CHRM3: variants seen among roughly 807,000 people sequenced by gnomAD.
The protein encoded by CHRM3 is muscarinic acetylcholine receptor M3.
CHRM3 carries 11 observed loss-of-function variants against 41.8 expected under a neutral mutation model. The ratio of observed to expected loss-of-function variants is 0.26; its 90% CI spans 0.17 to 0.44. The LOEUF (loss-of-function observed/expected upper bound fraction) is 0.44. CHRM3 is among the 20% of genes least tolerant of loss of function. The pLI is 1.00. For synonymous variants in CHRM3, 297 were observed against 301.4 expected, an observed-to-expected ratio of 0.99 and a Z score of 0.15; for missense variants, 571 against 745.4, an observed-to-expected ratio of 0.77 and a Z score of 2.72.
chr1:239,899,217 AT>A (rs1339583198), intron 6 of CHRM3, among the ~76,000 whole-genome samples: 1 of 150,282 alleles, frequency 6.7e-6, no homozygotes, highest in Admixed American at 6.6e-5. Flanking sequence ...TTTGCTGTAC[AT>A]TTTTTTCTTT....
chr1:239,619,438 C>T (rs1188915187), intron 3 of CHRM3, among the ~76,000 whole-genome samples: 2 of 152,116 alleles, frequency 1.3e-5, no homozygotes, highest in South Asian at 2.1e-4. Flanking sequence ...ACATATAGAA[C>T]AAAATATAGC....
intron 3 of CHRM3, among the ~76,000 whole-genome samples, chr1:239,615,157 A>G (rs1473386517): frequency 6.6e-6 from 1 of 152,236 alleles, no homozygotes; most frequent in Non-Finnish European, 1.5e-5. Flanking sequence ...TCATATAAAA[A>G]TAGTAACTTC....
At chr1:239,817,869 A>T (rs1224895046) in intron 5 of CHRM3, among the ~76,000 whole-genome samples, 1 of 152,076 alleles carries the variant, frequency 6.6e-6, no homozygotes, top group Non-Finnish European at 1.5e-5. Context: ...GCCACTTACT[A>T]GCCACGCGAC....
chr1:239,733,989 C>A (rs1427471691), intron 5 of CHRM3, among the ~76,000 whole-genome samples: 2 of 152,036 alleles, frequency 1.3e-5, no homozygotes, highest in African/African-American at 4.8e-5. Context: ...AACTACTACA[C>A]CCTGAAGACT....
At chr1:239,582,892 G>C (rs1335685644) in intron 3 of CHRM3, among the ~76,000 whole-genome samples, 3 of 152,172 alleles carry the variant, frequency 2.0e-5, no homozygotes, top group African/African-American at 7.2e-5. Context: ...TTTGATTTAT[G>C]AGACACTCTC....
intron 5 of CHRM3, among the ~76,000 whole-genome samples, chr1:239,807,873 A>C (rs1302536153): frequency 2.0e-5 from 3 of 151,956 alleles, no homozygotes; most frequent in Non-Finnish European, 4.4e-5. Flanking sequence ...CACATATCCC[A>C]AAATGCTGGG....
At chr1:239,872,161 A>G (rs1433736562) in intron 6 of CHRM3, among the ~76,000 whole-genome samples, 1 of 152,220 alleles carries the variant, frequency 6.6e-6, no homozygotes, top group African/African-American at 2.4e-5. Flanking sequence ...ACACAAGGCC[A>G]AGGCAAGACT....
At chr1:239,588,436 A>G (rs1175942194) in intron 3 of CHRM3, among the ~76,000 whole-genome samples, 1 of 152,202 alleles carries the variant, frequency 6.6e-6, no homozygotes, top group East Asian at 1.9e-4. Flanking sequence ...GGACTCACTG[A>G]ATGCTCATTA....
At chr1:239,620,810 G>T (rs1036842711) in intron 3 of CHRM3, among the ~76,000 whole-genome samples, 2 of 152,070 alleles carry the variant, frequency 1.3e-5, no homozygotes. Flanking sequence ...CTCTTACAAA[G>T]AGAGAGTTAG....
intron 2 of CHRM3, among the ~76,000 whole-genome samples, chr1:239,496,530 TGTG>T (rs1189316990): frequency 6.9e-6 from 1 of 145,858 alleles, no homozygotes; most frequent in African/African-American, 2.7e-5. Flanking sequence ...TGTGTGTGTG[TGTG>T]TGTGTGTGTG....
chr1:239,701,048 T>TAAA (rs1406404114), intron 5 of CHRM3, among the ~76,000 whole-genome samples: 1 of 152,210 alleles, frequency 6.6e-6, no homozygotes, highest in Non-Finnish European at 1.5e-5. Context: ...TACCCTTTAC[T>TAAA]TTTATTTACC....
intron 3 of CHRM3, among the ~76,000 whole-genome samples, chr1:239,565,928 T>C (rs1301333291): frequency 6.7e-6 from 1 of 149,962 alleles, no homozygotes; most frequent in Non-Finnish European, 1.5e-5. Flanking sequence ...TTTTTTTTTT[T>C]TTTGAGACAG....
At chr1:239,518,913 G>A (rs1669447686) in intron 2 of CHRM3, among the ~76,000 whole-genome samples, 1 of 152,112 alleles carries the variant, frequency 6.6e-6, no homozygotes, top group Admixed American at 6.6e-5. Flanking sequence ...CCTTCGAAAA[G>A]TTTTATACAT....
chr1:239,516,956 C>A (rs1042565268), intron 2 of CHRM3, among the ~76,000 whole-genome samples: 8 of 152,036 alleles, frequency 5.3e-5, no homozygotes, highest in Non-Finnish European at 1.0e-4. Context: ...TCCCATCACC[C>A]TAAGATGTGA....
At chr1:239,415,394 T>A (rs1661417535) in intron 1 of CHRM3, among the ~76,000 whole-genome samples, 1 of 152,190 alleles carries the variant, frequency 6.6e-6, no homozygotes, top group Non-Finnish European at 1.5e-5. Context: ...GAGCTGAGAC[T>A]GTGCCACTGT....
chr1:239,795,357 C>A (rs1204216380), intron 5 of CHRM3, among the ~76,000 whole-genome samples: 1 of 152,152 alleles, frequency 6.6e-6, no homozygotes, highest in Non-Finnish European at 1.5e-5. Flanking sequence ...AAAATGTAAG[C>A]CTCTGACTAA....
Position 239,467,202 on chromosome 1 carries a change from G to A in CHRM3, c.-520-25507G>A, listed in dbSNP as rs572230042. Among the ~76,000 whole-genome samples the A allele has an allele frequency of 1.2e-4, 18 of 152,218 alleles. No homozygotes were observed. The East Asian group carries it at 3.3e-3, about 28-fold the overall frequency. Reference sequence around the variant, plus strand: ...CAAACAAACCATGTATTGAAATTGAGTGCTTGTTTTTCCTTTAAAAATTAT... The same window carrying A: ...CAAACAAACCATGTATTGAAATTGAATGCTTGTTTTTCCTTTAAAAATTAT... On this transcript the variant is annotated intron_variant, in intron 1 of 6. Transcript: ENST00000676153.
intron 5 of CHRM3, among the ~76,000 whole-genome samples, chr1:239,813,785 C>T (rs574016299): frequency 1.4e-4 from 18 of 129,102 alleles, no homozygotes; most frequent in Non-Finnish European, 8.0e-5. Context: ...GGCGTAGTGG[C>T]GGGCGCCTGT....
intron 5 of CHRM3, among the ~76,000 whole-genome samples, chr1:239,697,829 T>A (rs1660337746): frequency 6.6e-6 from 1 of 152,098 alleles, no homozygotes; most frequent in Non-Finnish European, 1.5e-5. Context: ...TCCAGAGTGG[T>A]TTGTAGAGAG....
Sources: allele counts gnomAD v4.1 joint callset (sites outside exome capture counted in the v4.1 genomes callset), GRCh38; gene constraint gnomAD v4.1.1; transcripts MANE v1.5; gene names NCBI Gene and HGNC (gene_info 2026-07-23, HGNC 2026-07-21).